Variants in MOB3B observed in about 807,000 individuals in gnomAD.
MOB3B encodes the protein MOB kinase activator-like 2B.
Under a neutral mutation model 18.7 loss-of-function variants are expected in MOB3B, and 7 were observed. The observed-to-expected ratio is 0.37, with a 90% CI of 0.21 to 0.70. MOB3B has a LOEUF of 0.70. MOB3B is among the 30% of genes least tolerant of loss of function. The probability of loss-of-function intolerance (pLI) is 0.52; values close to 1 mark genes in which losing one functional copy is unlikely to be tolerated. For synonymous variants in MOB3B, 111 were observed against 99.9 expected (o/e 1.11, Z -0.66); for missense variants, 253 against 281.3 (o/e 0.90, Z 0.72).
chr9:27,483,981 T>A (rs1819700363), intron 1 of MOB3B, among the ~76,000 whole-genome samples: 1 of 152,182 alleles, frequency 6.6e-6, no homozygotes. Context: ...TGAGTCCAGG[T>A]GACAGAGCCA....
At chr9:27,511,407 G>C (rs1400636969) in intron 1 of MOB3B, among the ~76,000 whole-genome samples, 1 of 152,138 alleles carries the variant, frequency 6.6e-6, no homozygotes, top group Non-Finnish European at 1.5e-5. Flanking sequence ...CATTCCGTCA[G>C]TGATAAAGTG....
At chr9:27,423,569 A>G (rs960529873) in intron 2 of MOB3B, among the ~76,000 whole-genome samples, 35 of 152,284 alleles carry the variant, frequency 2.3e-4, no homozygotes, top group African/African-American at 8.4e-4. Flanking sequence ...AAAAATCAAT[A>G]AAGTTGGATT....
At chr9:27,342,388 A>C (rs554034420) in intron 3 of MOB3B, among the ~76,000 whole-genome samples, 1 of 152,202 alleles carries the variant, frequency 6.6e-6, no homozygotes, top group African/African-American at 2.4e-5. Flanking sequence ...ACAAGAGTGG[A>C]GTGAACTCTA....
At chr9:27,431,137 T>C (rs954582819) in intron 2 of MOB3B, among the ~76,000 whole-genome samples, 4 of 152,190 alleles carry the variant, frequency 2.6e-5, no homozygotes, top group African/African-American at 9.7e-5. Context: ...AAAAATGATT[T>C]TCTACCCTTA....
chr9:27,330,420 G>C lies in MOB3B; in HGVS notation c.*167C>G. 1.2e-6 allele frequency: 1 copy of C among 822,416 alleles called. No homozygotes were observed. Among genetic ancestry groups the C allele is most frequent in the Non-Finnish European group, 1.9e-6 (1 of 528,880 alleles). The allele number at this position is 822,416 out of a possible 1,614,324, so 50.9% of individuals were successfully genotyped here. The stretch of plus-strand genomic sequence containing the variant: ...GGGCTAGCAGCACTCAGAAGGTTAA[G>C]AGCACACAAAGTGAGTGGGGAATGT... On this transcript the variant is annotated 3_prime_UTR_variant, in exon 4 of 4. Transcript: ENST00000262244.
At chr9:27,461,229 A>ATT (rs1424028989) in intron 1 of MOB3B, among the ~76,000 whole-genome samples, 12 of 152,142 alleles carry the variant, frequency 7.9e-5, no homozygotes, top group Non-Finnish European at 1.6e-4. Context: ...TTTATTTTAG[A>ATT]GGGGTGTATG....
chr9:27,469,272 AT>A (rs1026164282), intron 1 of MOB3B, among the ~76,000 whole-genome samples: 3 of 151,778 alleles, frequency 2.0e-5, no homozygotes, highest in Admixed American at 6.6e-5. Flanking sequence ...CTGGCTGGGA[AT>A]TTTTTTTCTA....
At chr9:27,420,430 A>AC (rs1822224827) in intron 2 of MOB3B, among the ~76,000 whole-genome samples, 1 of 151,200 alleles carries the variant, frequency 6.6e-6, no homozygotes, top group African/African-American at 2.4e-5. Context: ...CAACGAGTGG[A>AC]TAAAGAAACT....
intron 3 of MOB3B, among the ~76,000 whole-genome samples, chr9:27,356,720 G>A (rs993698253): frequency 3.3e-5 from 5 of 152,114 alleles, no homozygotes; most frequent in Admixed American, 3.3e-4. Context: ...GACTATAGAA[G>A]AGAACTGAAC....
At position 27,326,584 on chromosome 9, in the gene MOB3B, G is replaced by C. The variant is rs1820714963; in HGVS notation, c.*4003C>G. The C allele has an allele frequency of 2.5e-6, 1 of 398,492 alleles. No individual in the cohort carries two copies. The highest frequency in any genetic ancestry group is 4.4e-6 in the Non-Finnish European group (1 of 226,016). 24.7% of individuals were successfully genotyped at this position (398,492 alleles called of 1,614,324 possible). On this transcript the variant is annotated 3_prime_UTR_variant, in exon 4 of 4. Transcript: ENST00000262244. Reference sequence around the variant, plus strand: ...CCCGAAGAACTGTGAGAGGAGTATAGATTTTTTCACCAAGGAAGTTACTGG... The same window carrying C: ...CCCGAAGAACTGTGAGAGGAGTATACATTTTTTCACCAAGGAAGTTACTGG...
At chr9:27,384,125 A>G (rs949431243) in intron 2 of MOB3B, among the ~76,000 whole-genome samples, 2 of 152,048 alleles carry the variant, frequency 1.3e-5, no homozygotes, top group African/African-American at 4.8e-5. Context: ...GAAGTTACCC[A>G]ACTAAACTTT....
intron 2 of MOB3B, among the ~76,000 whole-genome samples, chr9:27,379,024 C>T (rs1821534242): frequency 6.6e-6 from 1 of 152,148 alleles, no homozygotes; most frequent in African/African-American, 2.4e-5. Flanking sequence ...GACAAATTTA[C>T]ATTGCCTAAG....
chr9:27,516,422 A>T (rs946363825), intron 1 of MOB3B, among the ~76,000 whole-genome samples: 1 of 152,220 alleles, frequency 6.6e-6, no homozygotes, highest in Non-Finnish European at 1.5e-5. Flanking sequence ...AAAATAGCCC[A>T]AAGAGTTTGA....
intron 3 of MOB3B, among the ~76,000 whole-genome samples, chr9:27,351,195 G>A (rs1352849640): frequency 3.3e-5 from 5 of 152,186 alleles, no homozygotes; most frequent in African/African-American, 9.7e-5. Context: ...GAGCCACCAC[G>A]CCTGGCCCAC....
chr9:27,368,663 C>G (rs1030675124), intron 2 of MOB3B, among the ~76,000 whole-genome samples: 8 of 152,198 alleles, frequency 5.3e-5, no homozygotes, highest in Admixed American at 3.3e-4. Context: ...TCCCTCTGCC[C>G]CTCCCCAGCC....
chr9:27,472,772 A>G (rs1415330525), intron 1 of MOB3B, among the ~76,000 whole-genome samples: 1 of 152,056 alleles, frequency 6.6e-6, no homozygotes, highest in African/African-American at 2.4e-5. Context: ...TCCTTTTGGA[A>G]AAAGGTGGTG....
At position 27,455,399 on chromosome 9, in the gene MOB3B, G is replaced by A; in HGVS notation, c.152C>T (p.Pro51Leu). 6.2e-7 allele frequency: 1 copy of A among 1,614,126 alleles called. No homozygotes were observed. Among genetic ancestry groups the A allele is most frequent in the Non-Finnish European group, 8.5e-7 (1 of 1,180,026 alleles). Residue 51 changes from proline (P) to leucine (L), a missense_variant, in exon 2 of 4, where the codon CCC becomes CTC. By Grantham distance (98) the Pro-to-Leu change is moderately conservative (BLOSUM62 -3). Transcript: ENST00000262244. ...GVDLKAAVQL[P>L]SGEDQNDWVA... Reference sequence around the variant, plus strand: ...CCAGTCATTCTGGTCCTCCCCACTGGGCAACTGCACAGCCGCCTTCAGGTC... The same window carrying A: ...CCAGTCATTCTGGTCCTCCCCACTGAGCAACTGCACAGCCGCCTTCAGGTC...
chr9:27,451,149 CA>C (rs1454248701), intron 2 of MOB3B, among the ~76,000 whole-genome samples: 1 of 152,082 alleles, frequency 6.6e-6, no homozygotes, highest in East Asian at 1.9e-4. Flanking sequence ...AACAGAAAAA[CA>C]GGGAAGCTGG....
chr9:27,325,291 T>A lies in MOB3B; in HGVS notation c.*5296A>T, dbSNP rs938336366. The A allele has an allele frequency of 2.0e-5, 3 of 152,246 alleles. No homozygotes were observed. Among genetic ancestry groups the A allele is most frequent in the African/African-American group, 7.2e-5 (3 of 41,468 alleles). The allele number at this position is 152,246 out of a possible 1,614,324, so 9.4% of individuals were successfully genotyped here. A position where few individuals can be genotyped will look rare whatever the true frequency, so the allele number is the denominator to read the frequency against. On this transcript the variant is annotated 3_prime_UTR_variant, in exon 4 of 4. Transcript: ENST00000262244. ...ATTTCCTAAATATCATTTAATTTTA[T>A]GTTGCTTTTCTAATTGATTTAATTG...
Sources: allele counts gnomAD v4.1 joint callset (sites outside exome capture counted in the v4.1 genomes callset), GRCh38; gene constraint gnomAD v4.1.1; transcripts MANE v1.5; gene names NCBI Gene and HGNC (gene_info 2026-07-23, HGNC 2026-07-21).